CYP26C1: variants seen among roughly 807,000 people sequenced by gnomAD.
The protein encoded by CYP26C1 is cytochrome P450 26C1.
In CYP26C1, 41 loss-of-function variants were observed where a neutral mutation model predicts 39.1. The ratio of observed to expected loss-of-function variants is 1.05; its 90% CI spans 0.82 to 1.36. CYP26C1 has a LOEUF of 1.36. Among genes scored for constraint, CYP26C1 ranks in the 40% most tolerant of loss-of-function variants. The probability of loss-of-function intolerance (pLI) is 0.00; values close to 1 mark genes in which losing one functional copy is unlikely to be tolerated. For synonymous variants in CYP26C1, 362 were observed against 350.8 expected, an observed-to-expected ratio of 1.03 and a Z score of -0.36; for missense variants, 833 against 752.0, an observed-to-expected ratio of 1.11 and a Z score of -1.26.
chr10:93,063,576 T>C, intron 3 of CYP26C1: 6 of 985,632 alleles, frequency 6.1e-6, no homozygotes, highest in Non-Finnish European at 7.2e-6. Flanking sequence ...CATCCCGCCT[T>C]TTGGTCCCCC....
Position 93,061,312 on chromosome 10 carries a change from A to T in CYP26C1, c.49A>T (p.Thr17Ser), listed in dbSNP as rs1014876472. The change falls in exon 1 of 6, where the codon ACT (threonine) becomes TCT (serine). Residue 17 changes from threonine to serine, a missense_variant. Coordinates refer to ENST00000651965, the MANE Select transcript of CYP26C1 (RefSeq NM_183374.3). ...CCTGTCAGTGCTGGGGGCGGCGGGC[A>T]CTGCTCTCCTGTGCGCGGGCCTGCT... Reference protein sequence around the residue: ...SCLSVLGAAGTALLCAGLLLS... With the variant: ...SCLSVLGAAGSALLCAGLLLS... 6.3e-7 allele frequency: 1 copy of T among 1,596,656 alleles called. No homozygotes were observed. Among genetic ancestry groups the T allele is most frequent in the South Asian group, 1.1e-5 (1 of 87,952 alleles).
Position 93,068,635 on chromosome 10 carries a change from G to T in CYP26C1, c.1507G>T (p.Gly503Trp), listed in dbSNP as rs753971732. ...GGTGCCCATCGTGCACCCAGTGGAC[G>T]GGCTGCGGCTCTTTTTCCACCCCCT... is the stretch of plus-strand genomic sequence containing the variant. The part of the protein sequence containing the change: ...QTVPIVHPVD[G>W]LRLFFHPLTP... The change falls in exon 6 of 6, where the codon GGG (glycine) becomes TGG (tryptophan). Residue 503 changes from glycine to tryptophan, a missense_variant. Gly to Trp is a radical substitution (Grantham distance 184, BLOSUM62 -2). Coordinates refer to ENST00000651965, the MANE Select transcript of CYP26C1 (RefSeq NM_183374.3). 6.3e-6 allele frequency: 10 copies of T among 1,598,452 alleles called. No individual in the cohort carries two copies. Among genetic ancestry groups the T allele is most frequent in the East Asian group, 2.3e-5 (1 of 44,444 alleles).
intron 3 of CYP26C1, chr10:93,063,379 G>T: frequency 9.8e-7 from 1 of 1,023,278 alleles, no homozygotes; most frequent in African/African-American, 1.7e-5. Context: ...AGCCCAGATG[G>T]CTGCGGAACC....
At position 93,060,852 on chromosome 10, in the gene CYP26C1, G is replaced by A; in HGVS notation, c.-412G>A. 4 of 223,792 alleles carry A rather than the reference G, an allele frequency of 1.8e-5. No homozygotes were observed. Among genetic ancestry groups the A allele is most frequent in the Non-Finnish European group, 3.5e-5 (4 of 114,420 alleles). The allele number at this position is 223,792 out of a possible 1,614,324, so 13.9% of individuals were successfully genotyped here. ...GGGGCGGGGGTCTGCAGACCAGGTT[G>A]GCAACACTGGTGAGTTGCTCTTCTT... On this transcript the variant is annotated 5_prime_UTR_variant, in exon 1 of 6. Coordinates refer to ENST00000651965, the MANE Select transcript of CYP26C1 (RefSeq NM_183374.3).
Position 93,066,360 on chromosome 10 carries a change from C to CCTGCCGCCT in CYP26C1, c.1191+75_1191+76insCTGCCGCCT. The CCTGCCGCCT allele has an allele frequency of 3.7e-6, 4 of 1,077,370 alleles. No homozygotes were observed. In the African/African-American group the frequency reaches 6.5e-5, roughly 17 times the overall value. The allele number at this position is 1,077,370 out of a possible 1,614,324, so 66.7% of individuals were successfully genotyped here. On this transcript the variant is annotated intron_variant, in intron 5 of 5. Coordinates refer to ENST00000651965, the MANE Select transcript of CYP26C1 (RefSeq NM_183374.3). ...GCCGCCTGCCGCCTGCCGCCTGCCGCGGCGGCGCCCAGGTGGGAGGAGGGC... is the reference window on the plus strand; with the variant it reads ...GCCGCCTGCCGCCTGCCGCCTGCCGCCTGCCGCCTGGCGGCGCCCAGGTGGGAGGAGGGC...
At position 93,068,440 on chromosome 10, in the gene CYP26C1, G is replaced by T; in HGVS notation, c.1312G>T (p.Glu438Ter). 6.2e-7 allele frequency: 1 copy of T among 1,612,128 alleles called. No individual in the cohort carries two copies. The highest frequency in any genetic ancestry group is 8.5e-7 in the Non-Finnish European group (1 of 1,179,574). ...TCCAGAGCGCTTCGGCGCAGCGCGCGAAGATTCCCGGGGCGCCTCCAGCCG... is the reference window on the plus strand; with the variant it reads ...TCCAGAGCGCTTCGGCGCAGCGCGCTAAGATTCCCGGGGCGCCTCCAGCCG... ...FDPERFGAAREDSRGASSRFH... is the reference protein window; with the variant it reads ...FDPERFGAAR Residue 438 changes from glutamate (E) to a stop codon, truncating the protein, a stop_gained, in exon 6 of 6, where the codon GAA becomes TAA. Coordinates refer to ENST00000651965, the MANE Select transcript of CYP26C1 (RefSeq NM_183374.3). LOFTEE classifies it high-confidence loss of function.
At position 93,062,918 on chromosome 10, in the gene CYP26C1, C is replaced by A. The variant is rs758924941; in HGVS notation, c.628C>A (p.Leu210Met). 1.9e-6 allele frequency: 3 copies of A among 1,605,778 alleles called. No homozygotes were observed. The highest frequency in any genetic ancestry group is 1.7e-6 in the Non-Finnish European group (2 of 1,178,844). ...LRLDEAQCAT[L>M]ARTFEQLVEN... ...GCTGGACGAGGCGCAGTGCGCCACG[C>A]TGGCCCGGACCTTCGAGCAGCTCGT... The change falls in exon 3 of 6, where the codon CTG (leucine) becomes ATG (methionine). Residue 210 changes from leucine to methionine, a missense_variant. Coordinates refer to ENST00000651965, the MANE Select transcript of CYP26C1 (RefSeq NM_183374.3).
In CYP26C1 at chr10:93,068,396, GC is replaced by G. The variant is rs1250779732; in HGVS notation, c.1271del (p.Pro424LeufsTer49). ...CACGAGACGGCTGCGGTGTACCGCA[GC>G]CCTCCCGAAGGCTTCGATCCAGAGC... Reference protein sequence around the residue: ...DTHETAAVYRSPPEGFDPERF... With the variant: ...DTHETAAVYRXPPEGFDPERF... On this transcript the variant is annotated frameshift_variant, in exon 6 of 6. Transcript: ENST00000651965. LOFTEE classifies it high-confidence loss of function. 31 of 1,607,004 alleles carry G rather than the reference GC, an allele frequency of 1.9e-5. No homozygotes were observed. The South Asian group carries it at 3.2e-4, about 17-fold the overall frequency.
In CYP26C1 at chr10:93,066,116, C is replaced by A; in HGVS notation, c.1022C>A (p.Ala341Asp). 1 of 1,323,294 alleles carries A rather than the reference C, an allele frequency of 7.6e-7. No homozygotes were observed. The highest frequency in any genetic ancestry group is 9.6e-7 in the Non-Finnish European group (1 of 1,042,914). The allele number at this position is 1,323,294 out of a possible 1,614,324, so 82.0% of individuals were successfully genotyped here. A position where few individuals can be genotyped will look rare whatever the true frequency, so the allele number is the denominator to read the frequency against. The change falls in exon 5 of 6, where the codon GCC (alanine) becomes GAC (aspartate). Residue 341 changes from alanine (A) to aspartate (D), a missense_variant. By Grantham distance (126) the Ala-to-Asp change is moderately radical (BLOSUM62 -2). Coordinates refer to ENST00000651965, the MANE Select transcript of CYP26C1 (RefSeq NM_183374.3). Reference protein sequence around the residue: ...LGRACGCAPGAAGGSEGPPPD... With the variant: ...LGRACGCAPGDAGGSEGPPPD... The stretch of plus-strand genomic sequence containing the variant: ...CGCGCGTGCGGCTGCGCGCCCGGGG[C>A]CGCTGGGGGCAGCGAGGGGCCCCCG...
chr10:93,062,922 C>A lies in CYP26C1; in HGVS notation c.632C>A (p.Ala211Asp), dbSNP rs1330444740. Reference protein sequence around the residue: ...RLDEAQCATLARTFEQLVENL... With the variant: ...RLDEAQCATLDRTFEQLVENL... ...GACGAGGCGCAGTGCGCCACGCTGG[C>A]CCGGACCTTCGAGCAGCTCGTGGAG... Residue 211 changes from alanine to aspartate, a missense_variant, in exon 3 of 6, where the codon GCC (alanine) becomes GAC (aspartate). By Grantham distance (126) the Ala-to-Asp change is moderately radical. Coordinates refer to ENST00000651965, the MANE Select transcript of CYP26C1 (RefSeq NM_183374.3). 6.2e-7 allele frequency: 1 copy of A among 1,605,734 alleles called. No individual in the cohort carries two copies. The highest frequency in any genetic ancestry group is 1.3e-5 in the African/African-American group (1 of 74,692).
Position 93,066,035 on chromosome 10 carries a change from A to G in CYP26C1, c.941A>G (p.Gln314Arg), listed in dbSNP as rs781138541. Residue 314 changes from glutamine (Q) to arginine (R), a missense_variant, in exon 5 of 6, where the codon CAG (glutamine) becomes CGG (arginine). Coordinates refer to ENST00000651965, the MANE Select transcript of CYP26C1 (RefSeq NM_183374.3). ...ACCTCGCTCGTCCTGCTGCTACTGCAGCATCCGGCGGCCATCGCCAAGATT... is the reference window on the plus strand; with the variant it reads ...ACCTCGCTCGTCCTGCTGCTACTGCGGCATCCGGCGGCCATCGCCAAGATT... The part of the protein sequence containing the change: ...ASTSLVLLLL[Q>R]HPAAIAKIRE... 4 of 1,548,598 alleles carry G rather than the reference A, an allele frequency of 2.6e-6. No homozygotes were observed. The highest frequency in any genetic ancestry group is 1.4e-5 in the African/African-American group (1 of 70,628).
chr10:93,062,850 C>A lies in CYP26C1; in HGVS notation c.560C>A (p.Ala187Glu). The change falls in exon 3 of 6, where the codon GCG (alanine) becomes GAG (glutamate). Residue 187 changes from alanine to glutamate, a missense_variant. Coordinates refer to ENST00000651965, the MANE Select transcript of CYP26C1 (RefSeq NM_183374.3). ...GTCTCAGTCTACGACGCCTCCAAAG[C>A]GCTCACCTTCCGCATGGCCGCGCGC... ...GPVSVYDASK[A>E]LTFRMAARIL... 6.3e-7 allele frequency: 1 copy of A among 1,597,498 alleles called. No homozygotes were observed. Among genetic ancestry groups the A allele is most frequent in the South Asian group, 1.1e-5 (1 of 90,128 alleles).
Position 93,060,954 on chromosome 10 carries a change from T to G in CYP26C1, c.-310T>G. On this transcript the variant is annotated 5_prime_UTR_variant, in exon 1 of 6. Transcript: ENST00000651965. ...GGGAGGTGCCCCGCGGAGCCGGGAGTGAGCGTTCCCGAGGCAGCAGGCACC... is the reference window on the plus strand; with the variant it reads ...GGGAGGTGCCCCGCGGAGCCGGGAGGGAGCGTTCCCGAGGCAGCAGGCACC... 3 of 393,296 alleles carry G rather than the reference T, an allele frequency of 7.6e-6. No homozygotes were observed. Among genetic ancestry groups the G allele is most frequent in the Non-Finnish European group, 1.4e-5 (3 of 220,498 alleles). The allele number at this position is 393,296 out of a possible 1,614,324, so 24.4% of individuals were successfully genotyped here.
In CYP26C1 at chr10:93,068,787, G is replaced by A. The variant is rs1846862125; in HGVS notation, c.*90G>A. 7.0e-7 allele frequency: 1 copy of A among 1,432,082 alleles called. No individual in the cohort carries two copies. Among genetic ancestry groups the A allele is most frequent in the East Asian group, 2.6e-5 (1 of 38,550 alleles). The allele number at this position is 1,432,082 out of a possible 1,614,324, so 88.7% of individuals were successfully genotyped here. On this transcript the variant is annotated 3_prime_UTR_variant, in exon 6 of 6. Transcript: ENST00000651965. ...GCCGCTCCCCATTGTAGCGTCGCGC[G>A]CCCACTCTTTCACTCGTTCAACAAT...
At chr10:93,063,694 G>A in intron 3 of CYP26C1, 7 of 984,488 alleles carry the variant, frequency 7.1e-6, no homozygotes, top group Non-Finnish European at 7.2e-6. Flanking sequence ...TACGTTTTCT[G>A]ATCTAATCCT....
Position 93,065,962 on chromosome 10 carries a change from G to A in CYP26C1, c.868G>A (p.Ala290Thr), listed in dbSNP as rs763970898. 1.1e-5 allele frequency: 18 copies of A among 1,580,762 alleles called. No individual in the cohort carries two copies. Among genetic ancestry groups the A allele is most frequent in the Admixed American group, 1.8e-5 (1 of 57,072 alleles). The change falls in exon 5 of 6, where the codon GCT (alanine) becomes ACT (threonine). Residue 290 changes from alanine to threonine, a missense_variant. By Grantham distance (58) the Ala-to-Thr change is moderately conservative (BLOSUM62 0). Transcript: ENST00000651965. ...EPSMQELKES[A>T]VELLFAAFFT... ...GCCCGGGGCTGTCTTGCAGGAGTCG[G>A]CTGTGGAGCTCCTCTTCGCCGCCTT...
intron 3 of CYP26C1, chr10:93,064,000 C>T: frequency 4.9e-6 from 5 of 1,020,144 alleles, no homozygotes; most frequent in African/African-American, 1.7e-5. Flanking sequence ...GTACCCCAGC[C>T]TGAGCCTAGT....
intron 2 of CYP26C1, 97 bp from the exon 3 acceptor site, chr10:93,062,623 A>G: frequency 8.9e-7 from 1 of 1,121,030 alleles, no homozygotes; most frequent in East Asian, 2.9e-5. Flanking sequence ...CGCTTGGAAG[A>G]GGGAGAAAGG....
intron 1 of CYP26C1, 46 bp downstream of exon 1, chr10:93,061,513 C>A: frequency 6.5e-7 from 1 of 1,543,900 alleles, no homozygotes; most frequent in Non-Finnish European, 8.7e-7. Context: ...CCCTTCTTCC[C>A]CCGGCTCCCA....
Sources: allele counts gnomAD v4.1 joint callset, GRCh38; gene constraint gnomAD v4.1.1; transcripts MANE v1.5; gene names NCBI Gene and HGNC (gene_info 2026-07-23, HGNC 2026-07-21).